Variants in CEP89 observed in about 807,000 individuals in gnomAD.
CEP89 encodes centrosomal protein of 89 kDa.
A neutral mutation model predicts 97.6 loss-of-function variants in CEP89; 95 were observed. The observed-to-expected ratio is 0.97, with a 90% CI of 0.82 to 1.15. CEP89 has a LOEUF of 1.15. Among genes scored for constraint, CEP89 ranks in the 50% most tolerant of loss-of-function variants. CEP89 has a pLI of 0.00. For missense variants in CEP89, 869 were observed against 947.7 expected (o/e 0.92, Z 1.09); for synonymous variants, 354 against 349.1 (o/e 1.01, Z -0.16).
At chr19:32,971,683 C>A in intron 1 of CEP89, 153 bp downstream of exon 1, 14 of 689,266 alleles carry the variant, frequency 2.0e-5, no homozygotes, top group Non-Finnish European at 2.5e-5. Flanking sequence ...AAGTTTAGAA[C>A]ACGAAAAATC....
chr19:32,924,341 C>T (rs1223392406), intron 11 of CEP89, among the ~76,000 whole-genome samples: 1 of 152,120 alleles, frequency 6.6e-6, no homozygotes, highest in East Asian at 1.9e-4. Context: ...GTCTTACTAG[C>T]GTCATCAGTC....
At chr19:32,901,778 T>G (rs987071818) in intron 14 of CEP89, among the ~76,000 whole-genome samples, 5 of 152,094 alleles carry the variant, frequency 3.3e-5, no homozygotes, top group African/African-American at 7.2e-5. Context: ...CAGGCACACA[T>G]GATACCTGGC....
intron 4 of CEP89, among the ~76,000 whole-genome samples, chr19:32,950,346 G>A (rs1410566959): frequency 6.6e-6 from 1 of 152,156 alleles, no homozygotes; most frequent in African/African-American, 2.4e-5. Flanking sequence ...ATCACCTGAA[G>A]TCGGGAGTTC....
rs962996286 is a variant in CEP89, at chr19:32,938,563, C to T, written c.625-890G>A. On this transcript the variant is annotated intron_variant, in intron 6 of 18. Coordinates refer to ENST00000305768, the MANE Select transcript of CEP89 (RefSeq NM_032816.5). ...TAGACAAGGTTATAAATTAACTCTG[C>T]AGAGAAATGTTTAATTTTTAAGTTC... Among the ~76,000 whole-genome samples the T allele has an allele frequency of 4.6e-5, 7 of 152,268 alleles. No individual in the cohort carries two copies. The East Asian group carries it at 1.4e-3, about 29-fold the overall frequency.
At chr19:32,884,170 T>G (rs1969344926) in intron 17 of CEP89, among the ~76,000 whole-genome samples, 1 of 152,166 alleles carries the variant, frequency 6.6e-6, no homozygotes, top group Non-Finnish European at 1.5e-5. Flanking sequence ...TCTTTTAGTA[T>G]TATAAAAATC....
At chr19:32,919,406 C>T (rs886478707) in intron 12 of CEP89, among the ~76,000 whole-genome samples, 2 of 152,144 alleles carry the variant, frequency 1.3e-5, no homozygotes, top group Non-Finnish European at 2.9e-5. Flanking sequence ...TAAATAATCT[C>T]GATTTTCCAC....
chr19:32,930,630 C>A (rs371953806), intron 9 of CEP89, among the ~76,000 whole-genome samples: 1 of 152,118 alleles, frequency 6.6e-6, no homozygotes, highest in Non-Finnish European at 1.5e-5. Context: ...CCTGTGTCCA[C>A]AGTGTCACTC....
chr19:32,886,569 C>T (rs185152762), intron 17 of CEP89, among the ~76,000 whole-genome samples: 1 of 152,266 alleles, frequency 6.6e-6, no homozygotes, highest in Admixed American at 6.5e-5. Flanking sequence ...CTCTTCATTC[C>T]CCCCGAGGCC....
chr19:32,922,972 G>A (rs998978343), intron 12 of CEP89, among the ~76,000 whole-genome samples: 9 of 152,196 alleles, frequency 5.9e-5, no homozygotes, highest in Non-Finnish European at 1.3e-4. Context: ...GGGGCTTTCG[G>A]AGGAAGGACA....
At chr19:32,922,834 C>G (rs1970278110) in intron 12 of CEP89, among the ~76,000 whole-genome samples, 1 of 137,830 alleles carries the variant, frequency 7.3e-6, no homozygotes, top group African/African-American at 2.9e-5. Flanking sequence ...GCCAACACAG[C>G]AAGACTCTGT....
chr19:32,882,047 C>T (rs757950492), intron 17 of CEP89, 34 bp from the exon 18 acceptor site: 51 of 1,538,614 alleles, frequency 3.3e-5, no homozygotes, highest in South Asian at 4.8e-5. Flanking sequence ...AATGAGGGGA[C>T]GCTGCCAGGC....
intron 9 of CEP89, among the ~76,000 whole-genome samples, chr19:32,930,034 T>TA (rs1365139784): frequency 5.4e-5 from 8 of 149,272 alleles, no homozygotes; most frequent in Middle Eastern, 3.5e-3. Context: ...TTTTTTTTTT[T>TA]TTTTTGAGAC....
chr19:32,911,397 C>T (rs1451116559), intron 14 of CEP89, among the ~76,000 whole-genome samples: 1 of 152,234 alleles, frequency 6.6e-6, no homozygotes. Context: ...TGGCTCATGC[C>T]TGGAATCTCA....
intron 2 of CEP89, among the ~76,000 whole-genome samples, chr19:32,964,967 A>T (rs973956368): frequency 6.6e-6 from 1 of 152,150 alleles, no homozygotes; most frequent in African/African-American, 2.4e-5. Flanking sequence ...GTGCAGTGAC[A>T]TGATCATAGC....
intron 1 of CEP89, among the ~76,000 whole-genome samples, chr19:32,966,891 G>A (rs912907915): frequency 1.3e-5 from 2 of 152,134 alleles, no homozygotes; most frequent in Non-Finnish European, 1.5e-5. Flanking sequence ...GTTGCCCAGA[G>A]TGGAGTGCAG....
intron 17 of CEP89, among the ~76,000 whole-genome samples, chr19:32,882,555 C>T (rs1195071029): frequency 6.8e-6 from 1 of 147,042 alleles, no homozygotes; most frequent in African/African-American, 2.6e-5. Flanking sequence ...CAGTGAGACC[C>T]TGTCTCAAAA....
At chr19:32,896,111 A>G (rs1434499475) in intron 16 of CEP89, among the ~76,000 whole-genome samples, 2 of 152,244 alleles carry the variant, frequency 1.3e-5, no homozygotes, top group Non-Finnish European at 2.9e-5. Flanking sequence ...AAATAGAATA[A>G]ACAATCCTAC....
intron 16 of CEP89, among the ~76,000 whole-genome samples, chr19:32,892,208 T>TATTTAGAC (rs1282765732): frequency 7.0e-5 from 1 of 14,296 alleles, no homozygotes; most frequent in Non-Finnish European, 1.4e-4. Context: ...TAGACATATA[T>TATTTAGAC]ATATATATAT....
chr19:32,943,635 A>G (rs1970733892), intron 5 of CEP89, among the ~76,000 whole-genome samples: 3 of 151,914 alleles, frequency 2.0e-5, no homozygotes, highest in Non-Finnish European at 4.4e-5. Context: ...AAAAAAAAAA[A>G]GTCAAACCCC....
Sources: gnomAD v4.1 joint callset for allele counts (sites outside exome capture counted in the v4.1 genomes callset) on GRCh38, gnomAD v4.1.1 for gene constraint, MANE v1.5 for transcripts, NCBI Gene and HGNC (gene_info 2026-07-23, HGNC 2026-07-21) for gene names.